LCLAT1: variants seen among roughly 807,000 people sequenced by gnomAD.
LCLAT1 encodes 1-AGP acyltransferase 8.
Under a neutral mutation model 30.7 loss-of-function variants are expected in LCLAT1, and 11 were observed. That is an observed-to-expected ratio of 0.36 (90% CI 0.23 to 0.59). The LOEUF is 0.59. LCLAT1 is among the 20% of genes least tolerant of loss of function. LCLAT1 has a pLI of 0.77. For missense variants in LCLAT1, 402 were observed against 458.6 expected, an observed-to-expected ratio of 0.88 and a Z score of 1.13; for synonymous variants, 155 against 151.3, an observed-to-expected ratio of 1.02 and a Z score of -0.18.
rs544502553 is a variant in LCLAT1, at chr2:30,469,601, C to T, written c.-5+22218C>T. ...TTTTTTTTTTTTTTTTTTTTTGAGACGGAGTCTAGCTCTGTCACCCAGGGT... is the reference window on the plus strand; with the variant it reads ...TTTTTTTTTTTTTTTTTTTTTGAGATGGAGTCTAGCTCTGTCACCCAGGGT... On this transcript the variant is annotated intron_variant, in intron 1 of 5. Transcript: ENST00000379509. 1.4e-4 allele frequency among the ~76,000 whole-genome samples: 16 copies of T among 113,916 alleles called. No homozygotes were observed. In the South Asian group the frequency reaches 1.9e-3, roughly 14 times the overall value. The allele number at this position is 113,916 out of a possible 152,430, so 74.7% of individuals were successfully genotyped here.
At chr2:30,602,233 C>CAGAT (rs1050117907) in intron 5 of LCLAT1, among the ~76,000 whole-genome samples, 6 of 152,148 alleles carry the variant, frequency 3.9e-5, no homozygotes, top group South Asian at 2.1e-4. Flanking sequence ...AACAGTGTAG[C>CAGAT]AGATAGATTG....
intron 5 of LCLAT1, among the ~76,000 whole-genome samples, chr2:30,574,493 T>A (rs78849204): frequency 0.013 from 2,036 of 152,302 alleles, 46 homozygotes; most frequent in African/African-American, 0.045. Flanking sequence ...GGAAATATAA[T>A]GAACTTTTTA....
intron 1 of LCLAT1, among the ~76,000 whole-genome samples, chr2:30,461,770 CTT>C (rs1553354407): frequency 6.8e-5 from 9 of 131,770 alleles, no homozygotes; most frequent in Non-Finnish European, 9.8e-5. Flanking sequence ...CTAAATTAAA[CTT>C]TTTTTTTTTT....
chr2:30,506,040 C>T (rs1490380656), intron 1 of LCLAT1, among the ~76,000 whole-genome samples: 2 of 152,084 alleles, frequency 1.3e-5, no homozygotes, highest in Non-Finnish European at 2.9e-5. Flanking sequence ...TTCCTTGCTT[C>T]ATTTTGGGTA....
At chr2:30,596,212 G>A (rs959340073) in intron 5 of LCLAT1, among the ~76,000 whole-genome samples, 12 of 152,202 alleles carry the variant, frequency 7.9e-5, no homozygotes, top group Non-Finnish European at 1.5e-4. Context: ...TTGAGGAATC[G>A]CCACACTGCC....
rs1685019824 is a variant in LCLAT1 at position 30,513,162 on chromosome 2, T to C, written c.-4-12425T>C. Among the ~76,000 whole-genome samples, 8 of 152,220 alleles carry C rather than the reference T, an allele frequency of 5.3e-5. No individual in the cohort carries two copies. In the South Asian group the frequency reaches 1.7e-3, roughly 32 times the overall value. ...CTTTAATTTATATTTTACTGATTAC[T>C]AATGAACATATTTCACAAAAGATGT... On this transcript the variant is annotated intron_variant, in intron 1 of 5. Coordinates refer to ENST00000379509, the MANE Select transcript of LCLAT1 (RefSeq NM_001002257.3).
intron 3 of LCLAT1, among the ~76,000 whole-genome samples, chr2:30,537,002 G>C (rs1423630118): frequency 6.7e-6 from 1 of 148,944 alleles, no homozygotes; most frequent in Non-Finnish European, 1.5e-5. Flanking sequence ...GAAACACATA[G>C]ACTGAAATGA....
chr2:30,449,168 C>T lies in LCLAT1; in HGVS notation c.-5+1785C>T, dbSNP rs965964399. ...ATTGTGTTTCCAGCCTGTGTTCTTA[C>T]TGTCTTACTACCACCATGCCTACTA... On this transcript the variant is annotated intron_variant, in intron 1 of 5. Coordinates refer to ENST00000379509, the MANE Select transcript of LCLAT1 (RefSeq NM_001002257.3). Among the ~76,000 whole-genome samples, 6 of 152,196 alleles carry T rather than the reference C, an allele frequency of 3.9e-5. No homozygotes were observed. In the East Asian group the frequency reaches 9.6e-4, roughly 24 times the overall value.
chr2:30,517,381 AC>A (rs1033505039), intron 1 of LCLAT1, among the ~76,000 whole-genome samples: 3 of 152,068 alleles, frequency 2.0e-5, no homozygotes, highest in South Asian at 4.1e-4. Flanking sequence ...CCCGTTCCTC[AC>A]CACCCTTGCC....
At chr2:30,616,386 G>A (rs1667993383) in intron 5 of LCLAT1, among the ~76,000 whole-genome samples, 1 of 152,142 alleles carries the variant, frequency 6.6e-6, no homozygotes, top group Non-Finnish European at 1.5e-5. Context: ...AGGAATTGAA[G>A]GGTGCAAGAG....
chr2:30,478,294 T>G (rs899818891), intron 1 of LCLAT1, among the ~76,000 whole-genome samples: 5 of 152,214 alleles, frequency 3.3e-5, no homozygotes, highest in Admixed American at 3.3e-4. Flanking sequence ...CGTGAAAACC[T>G]GATCACTTTT....
At chr2:30,584,897 G>C (rs1435456683) in intron 5 of LCLAT1, among the ~76,000 whole-genome samples, 1 of 146,810 alleles carries the variant, frequency 6.8e-6, no homozygotes, top group African/African-American at 2.5e-5. Flanking sequence ...AAGTTTGCCA[G>C]TGGAAGAACC....
chr2:30,638,864 T>G (rs1332028858), intron 5 of LCLAT1, among the ~76,000 whole-genome samples: 1 of 93,274 alleles, frequency 1.1e-5, no homozygotes, highest in East Asian at 2.0e-4. Flanking sequence ...TCACATCCGT[T>G]CTTCCTTGTA....
At chr2:30,615,694 A>C (rs1667963268) in intron 5 of LCLAT1, among the ~76,000 whole-genome samples, 1 of 152,200 alleles carries the variant, frequency 6.6e-6, no homozygotes, top group Non-Finnish European at 1.5e-5. Flanking sequence ...CATAAGACTT[A>C]TGTAAATGTG....
intron 1 of LCLAT1, among the ~76,000 whole-genome samples, chr2:30,495,394 C>T (rs829649): frequency 0.22 from 33,825 of 151,892 alleles, 3,853 homozygotes; most frequent in East Asian, 0.35. Flanking sequence ...ATTTCTAATA[C>T]TCTCCTTAGT....
chr2:30,483,923 A>AT (rs950322907), intron 1 of LCLAT1, among the ~76,000 whole-genome samples: 42 of 151,268 alleles, frequency 2.8e-4, no homozygotes, highest in East Asian at 1.7e-3. Context: ...GATTTGGGGC[A>AT]TTTTTTTTTA....
intron 1 of LCLAT1, among the ~76,000 whole-genome samples, chr2:30,521,488 T>A (rs7575573): frequency 0.34 from 16,445 of 47,742 alleles, 1,391 homozygotes; most frequent in East Asian, 0.48. Context: ...CTAAACTACT[T>A]CTTCTTTTTT....
intron 1 of LCLAT1, among the ~76,000 whole-genome samples, chr2:30,492,747 C>G (rs1683896342): frequency 6.6e-6 from 1 of 152,048 alleles, no homozygotes; most frequent in African/African-American, 2.4e-5. Context: ...CTAGTAAAAT[C>G]TAGTGCATGA....
At chr2:30,529,491 A>C (rs998894792) in intron 2 of LCLAT1, among the ~76,000 whole-genome samples, 2 of 152,216 alleles carry the variant, frequency 1.3e-5, no homozygotes, top group Admixed American at 6.5e-5. Context: ...TCTGTTCAAC[A>C]TAATGAATAT....
Sources: allele counts gnomAD v4.1 joint callset (sites outside exome capture counted in the v4.1 genomes callset), GRCh38; gene constraint gnomAD v4.1.1; transcripts MANE v1.5; gene names NCBI Gene and HGNC (gene_info 2026-07-23, HGNC 2026-07-21).